Variants in MTARC2 observed in about 807,000 individuals in gnomAD.
MTARC2 encodes mitochondrial amidoxime reducing component 2, also known as MOCO sulphurase C-terminal domain containing 2.
A neutral mutation model predicts 35.6 loss-of-function variants in MTARC2; 27 were observed. The observed-to-expected ratio is 0.76, with a 90% CI of 0.56 to 1.04. MTARC2 has a LOEUF of 1.04. Ranked by LOEUF, MTARC2 falls within the 50% of genes least tolerant of loss-of-function variation. MTARC2 has a pLI of 0.00. For synonymous variants in MTARC2, 158 were observed against 167.1 expected (o/e 0.95, Z 0.42); for missense variants, 412 against 432.5 (o/e 0.95, Z 0.42).
rs577133604 is a variant in MTARC2, at chr1:220,784,146, GATC to G, written c.*264_*266del. 8.3e-6 allele frequency: 4 copies of G among 480,464 alleles called. No individual in the cohort carries two copies. Among genetic ancestry groups the G allele is most frequent in the Non-Finnish European group, 1.5e-5 (4 of 266,364 alleles). 29.8% of individuals were successfully genotyped at this position (480,464 alleles called of 1,614,324 possible). ...TACTGAAGGCTTTAAAAATAATTAA[GATC>G]ATCAAAAATGCTATTTTGAATGTTA... On this transcript the variant is annotated 3_prime_UTR_variant, in exon 8 of 8. Transcript: ENST00000366913.
chr1:220,767,585 T>C (rs2102557502), intron 4 of MTARC2, among the ~76,000 whole-genome samples: 1 of 152,326 alleles, frequency 6.6e-6, no homozygotes, highest in South Asian at 2.1e-4. Context: ...ATGCTTCCTA[T>C]CTCTGTAGTT....
chr1:220,781,197 A>G (rs965769520), intron 6 of MTARC2, among the ~76,000 whole-genome samples: 2 of 152,050 alleles, frequency 1.3e-5, no homozygotes, highest in African/African-American at 4.8e-5. Context: ...TTACAATTCT[A>G]TTTTGTTTTT....
In MTARC2 at chr1:220,784,141, A is replaced by G; in HGVS notation, c.*254A>G. 1 of 481,484 alleles carries G rather than the reference A, an allele frequency of 2.1e-6. No homozygotes were observed. The highest frequency in any genetic ancestry group is 3.8e-6 in the Non-Finnish European group (1 of 266,262). The allele number at this position is 481,484 out of a possible 1,614,324, so 29.8% of individuals were successfully genotyped here. The stretch of plus-strand genomic sequence containing the variant: ...TTAGGTACTGAAGGCTTTAAAAATA[A>G]TTAAGATCATCAAAAATGCTATTTT... On this transcript the variant is annotated 3_prime_UTR_variant, in exon 8 of 8. Transcript: ENST00000366913.
chr1:220,754,410 A>G (rs1671220251), intron 1 of MTARC2: 3 of 456,178 alleles, frequency 6.6e-6, no homozygotes, highest in Non-Finnish European at 1.3e-5. Flanking sequence ...AGGTTTCCTG[A>G]TGTAGGACCC....
At chr1:220,778,247 C>CAAAAAAA (rs60336134) in intron 4 of MTARC2, among the ~76,000 whole-genome samples, 2 of 97,330 alleles carry the variant, frequency 2.1e-5, no homozygotes, top group Admixed American at 1.3e-4. Flanking sequence ...GACTCTGTCT[C>CAAAAAAA]AAAAAAAAAA....
At chr1:220,779,096 C>G (rs144969322) in intron 4 of MTARC2, among the ~76,000 whole-genome samples, 1 of 152,068 alleles carries the variant, frequency 6.6e-6, no homozygotes, top group Non-Finnish European at 1.5e-5. Context: ...AATTACTAGG[C>G]CCAGCCAAAA....
intron 7 of MTARC2, among the ~76,000 whole-genome samples, chr1:220,783,574 G>A (rs2102576298): frequency 6.6e-6 from 1 of 152,314 alleles, no homozygotes; most frequent in South Asian, 2.1e-4. Context: ...ATCCTGTTTT[G>A]CAGTGGATGG....
rs1672148723 is a variant in MTARC2, at chr1:220,783,969, A to G, written c.*82A>G. The G allele has an allele frequency of 1.4e-6, 1 of 717,316 alleles. No homozygotes were observed. Among genetic ancestry groups the G allele is most frequent in the Non-Finnish European group, 2.6e-6 (1 of 385,064 alleles). The allele number at this position is 717,316 out of a possible 1,614,324, so 44.4% of individuals were successfully genotyped here. On this transcript the variant is annotated 3_prime_UTR_variant, in exon 8 of 8. Coordinates refer to ENST00000366913, the MANE Select transcript of MTARC2 (RefSeq NM_017898.5). ...TGAGATCTTAACAACAGCAGCAACG[A>G]TACATCAGCAAATCCTTATTATCCA...
intron 4 of MTARC2, among the ~76,000 whole-genome samples, chr1:220,778,338 G>C (rs1289875434): frequency 6.6e-6 from 1 of 152,108 alleles, no homozygotes; most frequent in African/African-American, 2.4e-5. Flanking sequence ...TCTGCTTCTG[G>C]GGAGGCCTCC....
intron 2 of MTARC2, among the ~76,000 whole-genome samples, chr1:220,756,852 C>G (rs1487209196): frequency 6.6e-6 from 1 of 152,176 alleles, no homozygotes; most frequent in Non-Finnish European, 1.5e-5. Context: ...GAAGACCTTG[C>G]AGGTGAGTTG....
At chr1:220,780,816 TTA>T (rs1672051053) in intron 6 of MTARC2, among the ~76,000 whole-genome samples, 1 of 152,138 alleles carries the variant, frequency 6.6e-6, no homozygotes, top group South Asian at 2.1e-4. Context: ...TTAATACTAT[TTA>T]TATATGTCTT....
intron 6 of MTARC2, among the ~76,000 whole-genome samples, chr1:220,781,226 A>T (rs1224584958): frequency 1.3e-5 from 2 of 152,176 alleles, no homozygotes; most frequent in Admixed American, 6.5e-5. Flanking sequence ...AGATGTAGTG[A>T]TAATTATTTA....
chr1:220,760,111 C>T (rs1370208548), intron 2 of MTARC2, among the ~76,000 whole-genome samples: 11 of 152,286 alleles, frequency 7.2e-5, no homozygotes, highest in Middle Eastern at 3.4e-3. Flanking sequence ...GCAAGTTCTC[C>T]GGTCTCACCA....
In MTARC2 at chr1:220,760,870, A is replaced by G. The variant is rs994770374; in HGVS notation, c.447-788A>G. On this transcript the variant is annotated intron_variant, in intron 2 of 7. Transcript: ENST00000366913. The stretch of plus-strand genomic sequence containing the variant: ...AGAGGAATAATACAAAAATGTTTAA[A>G]TGGATAATGGTGGATATCAAACCAA... 6.6e-5 allele frequency among the ~76,000 whole-genome samples: 10 copies of G among 152,238 alleles called. No individual in the cohort carries two copies. The South Asian group carries it at 2.1e-3, about 31-fold the overall frequency.
chr1:220,782,067 G>GA, intron 7 of MTARC2, 135 bp downstream of exon 7: 1 of 785,942 alleles, frequency 1.3e-6, no homozygotes, highest in Non-Finnish European at 1.9e-6. Context: ...TTTGGAGTTG[G>GA]AAAATGCCCT....
At chr1:220,754,861 A>G (rs1671232246) in intron 1 of MTARC2, 86 bp from the exon 2 acceptor site, 2 of 1,224,374 alleles carry the variant, frequency 1.6e-6, no homozygotes, top group Non-Finnish European at 1.1e-6. Context: ...GTGGGTGGAG[A>G]GTTCTGAGGA....
At position 220,748,807 on chromosome 1, in the gene MTARC2, C is replaced by T. The variant is rs1373004421; in HGVS notation, c.272+4C>T. ...GCAGCGGCAACCTGCGGGACAGGTA[C>T]AGCACAGCGCGGGCGCGGGGCAGCG... On this transcript the variant is annotated splice_donor_region_variant and intron_variant, in intron 1 of 7. Coordinates refer to ENST00000366913, the MANE Select transcript of MTARC2 (RefSeq NM_017898.5). 1 of 1,578,082 alleles carries T rather than the reference C, an allele frequency of 6.3e-7. No homozygotes were observed. Among genetic ancestry groups the T allele is most frequent in the Non-Finnish European group, 8.6e-7 (1 of 1,163,974 alleles).
In MTARC2 at chr1:220,748,561, C is replaced by T. The variant is rs1668973764; in HGVS notation, c.30C>T (p.Ala10=). The change falls in exon 1 of 8, where the codon GCC becomes GCT. Residue 10 remains alanine, a synonymous_variant. Coordinates refer to ENST00000366913, the MANE Select transcript of MTARC2 (RefSeq NM_017898.5). The part of the protein sequence containing the change: MGASSSSAL[A]RLGLPARPWP... ...GCGCTTCCAGCTCCTCCGCGCTGGC[C>T]CGCCTCGGCCTCCCAGCCCGGCCCT... 2.1e-6 allele frequency: 3 copies of T among 1,439,948 alleles called. No individual in the cohort carries two copies. The highest frequency in any genetic ancestry group is 3.0e-5 in the East Asian group (1 of 33,074). The allele number at this position is 1,439,948 out of a possible 1,614,324, so 89.2% of individuals were successfully genotyped here. A position where few individuals can be genotyped will look rare whatever the true frequency, so the allele number is the denominator to read the frequency against.
At chr1:220,752,803 C>T (rs1671161010) in intron 1 of MTARC2, among the ~76,000 whole-genome samples, 3 of 151,956 alleles carry the variant, frequency 2.0e-5, no homozygotes, top group South Asian at 2.1e-4. Flanking sequence ...GCTAAGATCA[C>T]GCCGCTGTAC....
Sources: allele counts gnomAD v4.1 joint callset (sites outside exome capture counted in the v4.1 genomes callset), GRCh38; gene constraint gnomAD v4.1.1; transcripts MANE v1.5; gene names NCBI Gene and HGNC (gene_info 2026-07-23, HGNC 2026-07-21).